The following PLCD3 variants were observed in gnomAD, a reference collection of about 807,000 sequenced individuals.
PLCD3 encodes the protein 1-phosphatidylinositol 4,5-bisphosphate phosphodiesterase delta-3.
A neutral mutation model predicts 82.8 loss-of-function variants in PLCD3; 62 were observed. That is an observed-to-expected ratio of 0.75 (90% CI 0.61 to 0.93). The LOEUF (loss-of-function observed/expected upper bound fraction) is 0.93, where lower values mean the gene tolerates loss of function less well. Among genes scored for constraint, PLCD3 ranks in the 40% least tolerant of loss-of-function variants. The pLI, the probability that PLCD3 is intolerant of heterozygous loss-of-function variation, is 0.00. For synonymous variants in PLCD3, 478 were observed against 471.8 expected, an observed-to-expected ratio of 1.01 and a Z score of -0.17; for missense variants, 1,023 against 1,103.4, an observed-to-expected ratio of 0.93 and a Z score of 1.03.
rs887425480 is a variant in PLCD3, at chr17:45,118,793, C to G, written c.913+22G>C. The G allele has an allele frequency of 5.0e-6, 8 of 1,589,220 alleles. No homozygotes were observed. The African/African-American group carries it at 1.1e-4, about 21-fold the overall frequency. ...ACACAGCCCTTTCAGGTGCCACGAC[C>G]TGGCCGTGCCACCCCCCCCACCTGT... On this transcript the variant is annotated intron_variant, in intron 5 of 14. Coordinates refer to ENST00000619929, the MANE Select transcript of PLCD3 (RefSeq NM_133373.5). This position sits in a 1 kb window ranked among gnomAD's most constrained non-coding sequence, Gnocchi z 4.1.
In PLCD3 at chr17:45,112,547, A is replaced by C; in HGVS notation, c.*69T>G. On this transcript the variant is annotated 3_prime_UTR_variant, in exon 15 of 15. Transcript: ENST00000619929. Reference sequence around the variant, plus strand: ...TGGTACTCCCACCACCTGACTCCAGAGGAGGAGAGGGCTCTGCAGGGGATG... The same window carrying C: ...TGGTACTCCCACCACCTGACTCCAGCGGAGGAGAGGGCTCTGCAGGGGATG... The C allele has an allele frequency of 6.8e-7, 1 of 1,465,998 alleles. No individual in the cohort carries two copies. The highest frequency in any genetic ancestry group is 2.5e-5 in the East Asian group (1 of 40,498). 90.8% of individuals were successfully genotyped at this position (1,465,998 alleles called of 1,614,324 possible).
Position 45,113,491 on chromosome 17 carries a change from G to A in PLCD3, c.1943C>T (p.Ser648Leu), listed in dbSNP as rs753693857. The change falls in exon 12 of 15, where the codon TCG (serine) becomes TTG (leucine). Residue 648 changes from serine (S) to leucine (L), a missense_variant. Around this residue, in one of 3 missense-constraint regions of PLCD3, gnomAD observed 553 missense variants for 655.7 expected, o/e 0.84. Coordinates refer to ENST00000619929, the MANE Select transcript of PLCD3 (RefSeq NM_133373.5). Reference sequence around the variant, plus strand: ...TCCTGGGTACTCGGGGTCAAAGGTCGAGTCAGGTTGCCGCAGGCAGGCAGG... The same window carrying A: ...TCCTGGGTACTCGGGGTCAAAGGTCAAGTCAGGTTGCCGCAGGCAGGCAGG... Reference protein sequence around the residue: ...LKPACLRQPDSTFDPEYPGPP... With the variant: ...LKPACLRQPDLTFDPEYPGPP... 4 of 1,592,846 alleles carry A rather than the reference G, an allele frequency of 2.5e-6. No individual in the cohort carries two copies. The highest frequency in any genetic ancestry group is 2.7e-5 in the African/African-American group (2 of 74,532).
chr17:45,130,811 G>GAGAC (rs566928545), intron 1 of PLCD3, among the ~76,000 whole-genome samples: 112 of 152,156 alleles, frequency 7.4e-4, no homozygotes, highest in South Asian at 1.7e-3. Flanking sequence ...TCCAGGGAGG[G>GAGAC]CCTGGAGGAG....
chr17:45,116,590 C>G, intron 8 of PLCD3, 42 bp downstream of exon 8: 1 of 1,513,916 alleles, frequency 6.6e-7, no homozygotes, highest in Non-Finnish European at 8.9e-7. Flanking sequence ...CGGACTCCCA[C>G]CAGACCTCCC....
intron 4 of PLCD3, among the ~76,000 whole-genome samples, chr17:45,119,781 G>A (rs764437441): frequency 3.2e-4 from 49 of 152,370 alleles, no homozygotes; most frequent in Non-Finnish European, 6.0e-4. Flanking sequence ...CAGGGGTCCA[G>A]CTGCCATGGG....
At chr17:45,114,479 C>T (rs1234384867) in intron 10 of PLCD3, 113 bp from the exon 11 acceptor site, 4 of 757,774 alleles carry the variant, frequency 5.3e-6, no homozygotes, top group Non-Finnish European at 8.2e-6. Context: ...TCACCCTGCC[C>T]CCGCTCCTCA....
At chr17:45,119,858 C>T (rs901249478) in intron 4 of PLCD3, among the ~76,000 whole-genome samples, 4 of 152,198 alleles carry the variant, frequency 2.6e-5, no homozygotes, top group Non-Finnish European at 4.4e-5. Flanking sequence ...CTGCCATGGG[C>T]TCCAGCTGGG....
At position 45,113,507 on chromosome 17, in the gene PLCD3, G is replaced by A. The variant is rs1394853080; in HGVS notation, c.1927C>T (p.Leu643=). ...QCGYVLKPAC[L]RQPDSTFDPE... is the part of the protein sequence containing the mutation. ...TCAAAGGTCGAGTCAGGTTGCCGCA[G>A]GCAGGCAGGTTTTAGGACGTAGCCA... The change falls in exon 12 of 15, where the codon CTG becomes TTG. Residue 643 remains leucine (L), a synonymous_variant. Transcript: ENST00000619929. 2 of 1,586,320 alleles carry A rather than the reference G, an allele frequency of 1.3e-6. No individual in the cohort carries two copies. Among genetic ancestry groups the A allele is most frequent in the Non-Finnish European group, 1.7e-6 (2 of 1,166,606 alleles).
rs1193544907 is a variant in PLCD3 at position 45,112,694 on chromosome 17, G to A, written c.2292C>T (p.His764=). 1 of 1,605,620 alleles carries A rather than the reference G, an allele frequency of 6.2e-7. No homozygotes were observed. Among genetic ancestry groups the A allele is most frequent in the Non-Finnish European group, 8.5e-7 (1 of 1,176,384 alleles). ...PLSSLKQGYR[H]IHLLSKDGAS... is the part of the protein sequence containing the mutation. The stretch of plus-strand genomic sequence containing the variant: ...CCCCGTCCTTGGAAAGCAGGTGTAT[G>A]TGGCGGTACCCTGTAGGGAGGACAG... The change falls in exon 15 of 15, where the codon CAC becomes CAT. Residue 764 remains histidine (H), a synonymous_variant. Coordinates refer to ENST00000619929, the MANE Select transcript of PLCD3 (RefSeq NM_133373.5).
In PLCD3 at chr17:45,113,231, C is replaced by A; in HGVS notation, c.2022G>T (p.Lys674Asn). The A allele has an allele frequency of 6.2e-7, 1 of 1,608,572 alleles. No homozygotes were observed. The highest frequency in any genetic ancestry group is 8.5e-7 in the Non-Finnish European group (1 of 1,177,740). Residue 674 changes from lysine to asparagine, a missense_variant, in exon 13 of 15, where the codon AAG (lysine) becomes AAT (asparagine). Transcript: ENST00000619929. ...TGGAGTGTGGCTTCTCGGCATTCAG[C>A]TTGGGCAGCTGCTGTGCAGTCAGCA... is the stretch of plus-strand genomic sequence containing the variant. ...IQVLTAQQLP[K>N]LNAEKPHSIV...
Position 45,118,934 on chromosome 17 carries a change from C to A in PLCD3, c.794G>T (p.Gly265Val). The change falls in exon 5 of 15, where the codon GGC (glycine) becomes GTC (valine). Residue 265 changes from glycine (G) to valine (V), a missense_variant. Physicochemically the swap from Gly to Val is moderately radical, Grantham distance 109 (BLOSUM62 -3). This residue lies in a region of PLCD3 where 448 missense variants were observed against 406.3 expected (regional missense o/e 1.10). Transcript: ENST00000619929. This position sits in a 1 kb window ranked among gnomAD's most constrained non-coding sequence, Gnocchi z 4.1. ...AGGGGCACTCAGCACGCGGTCCTCG[C>A]CCGAGTACTGATGGAAGATCTCCTC... ...ELEEIFHQYS[G>V]EDRVLSAPEL... 1 of 1,612,758 alleles carries A rather than the reference C, an allele frequency of 6.2e-7. No individual in the cohort carries two copies. Among genetic ancestry groups the A allele is most frequent in the Admixed American group, 1.7e-5 (1 of 59,960 alleles).
rs377570633 is a variant in PLCD3, at chr17:45,111,373, A to AGAGTGTGT, written c.*1242_*1243insACACACTC. ...TTCAAGGCCCCTCTGTGTATGTGTG[A>AGAGTGTGT]GTGTGTGTGTGTGTGTGTGTGTGTG... On this transcript the variant is annotated 3_prime_UTR_variant, in exon 15 of 15. Transcript: ENST00000619929. The AGAGTGTGT allele has an allele frequency of 6.8e-6, 1 of 147,080 alleles. No homozygotes were observed. The highest frequency in any genetic ancestry group is 2.5e-5 in the African/African-American group (1 of 40,136). The allele number at this position is 147,080 out of a possible 1,614,324, so 9.1% of individuals were successfully genotyped here. A position where few individuals can be genotyped will look rare whatever the true frequency, so the allele number is the denominator to read the frequency against.
chr17:45,119,684 T>C (rs2054321051), intron 4 of PLCD3, among the ~76,000 whole-genome samples: 1 of 152,206 alleles, frequency 6.6e-6, no homozygotes, highest in African/African-American at 2.4e-5. Flanking sequence ...GGTGGACACG[T>C]TACTATCCTG....
chr17:45,132,212 C>A lies in PLCD3; in HGVS notation c.163+36G>T. On this transcript the variant is annotated intron_variant, in intron 1 of 14. Coordinates refer to ENST00000619929, the MANE Select transcript of PLCD3 (RefSeq NM_133373.5). This position sits in a 1 kb window ranked among gnomAD's most constrained non-coding sequence, Gnocchi z 4.6. ...CCCAGACTGGGCCTCTGGGAACGGTCCGCGCCCACCCCACCGCCCCTTGCC... is the reference window on the plus strand; with the variant it reads ...CCCAGACTGGGCCTCTGGGAACGGTACGCGCCCACCCCACCGCCCCTTGCC... 8.0e-7 allele frequency: 1 copy of A among 1,248,930 alleles called. No homozygotes were observed. The allele number at this position is 1,248,930 out of a possible 1,614,324, so 77.4% of individuals were successfully genotyped here. A position where few individuals can be genotyped will look rare whatever the true frequency, so the allele number is the denominator to read the frequency against.
In PLCD3 at chr17:45,130,933, C is replaced by T. The variant is rs574555877; in HGVS notation, c.163+1315G>A. Among the ~76,000 whole-genome samples, 724 of 152,204 alleles carry T rather than the reference C, an allele frequency of 4.8e-3. 6 individuals carry two copies. Among genetic ancestry groups the T allele is most frequent in the Non-Finnish European group, 7.9e-3 (536 of 67,978 alleles). On this transcript the variant is annotated intron_variant, in intron 1 of 14. Transcript: ENST00000619929. Reference sequence around the variant, plus strand: ...ATGTGCTGCCCCCTGTTCCCCCACCCCCAAGGTCCTGTTCCTTTGTTTCAC... The same window carrying T: ...ATGTGCTGCCCCCTGTTCCCCCACCTCCAAGGTCCTGTTCCTTTGTTTCAC...
In PLCD3 at chr17:45,118,804, A is replaced by AT. The variant is rs1555609697; in HGVS notation, c.913+10_913+11insA. On this transcript the variant is annotated intron_variant, in intron 5 of 14. Coordinates refer to ENST00000619929, the MANE Select transcript of PLCD3 (RefSeq NM_133373.5). This position sits in a 1 kb window ranked among gnomAD's most constrained non-coding sequence, Gnocchi z 4.1. ...TCAGGTGCCACGACCTGGCCGTGCCACCCCCCCCACCTGTCTCGTTGAGCT... is the reference window on the plus strand; with the variant it reads ...TCAGGTGCCACGACCTGGCCGTGCCATCCCCCCCCACCTGTCTCGTTGAGCT... 57 of 1,585,416 alleles carry AT rather than the reference A, an allele frequency of 3.6e-5. No homozygotes were observed. Among genetic ancestry groups the AT allele is most frequent in the Non-Finnish European group, 4.7e-5 (55 of 1,163,312 alleles).
chr17:45,116,424 T>G lies in PLCD3; in HGVS notation c.1413+208A>C, dbSNP rs75061804. On this transcript the variant is annotated intron_variant, in intron 8 of 14. Coordinates refer to ENST00000619929, the MANE Select transcript of PLCD3 (RefSeq NM_133373.5). The stretch of plus-strand genomic sequence containing the variant: ...CAGGTTACAGAAGAGGGTGTGTGTG[T>G]GGGGGGGTCTAGTCAAGAATGGAGA... Among the ~76,000 whole-genome samples the G allele has an allele frequency of 3.9e-3, 572 of 147,478 alleles. 1 individual carries two copies. The highest frequency in any genetic ancestry group is 5.4e-3 in the Admixed American group (80 of 14,796).
At chr17:45,126,834 T>A (rs2054385295) in intron 1 of PLCD3, among the ~76,000 whole-genome samples, 1 of 151,312 alleles carries the variant, frequency 6.6e-6, no homozygotes, top group South Asian at 2.1e-4. Flanking sequence ...AATTTTTAAA[T>A]TTTTTTGTAG....
intron 10 of PLCD3, among the ~76,000 whole-genome samples, chr17:45,114,795 C>T (rs942339738): frequency 6.6e-6 from 1 of 152,158 alleles, no homozygotes; most frequent in African/African-American, 2.4e-5. Context: ...CCCAGGAATT[C>T]CTCCCCAGTG....
Sources: gnomAD v4.1 joint callset for allele counts (sites outside exome capture counted in the v4.1 genomes callset) on GRCh38, gnomAD v4.1.1 for gene constraint, gnomAD v4.1.1 regional missense constraint, Gnocchi (gnomAD v3.1) non-coding constraint, MANE v1.5 for transcripts, NCBI Gene and HGNC (gene_info 2026-07-23, HGNC 2026-07-21) for gene names.